AVL9: variants seen among roughly 807,000 people sequenced by gnomAD.
AVL9 encodes late secretory pathway protein AVL9 homolog.
A neutral mutation model predicts 79.2 loss-of-function variants in AVL9; 49 were observed. The observed-to-expected ratio is 0.62, with a 90% CI of 0.49 to 0.79. The LOEUF is 0.79. Ranked by LOEUF, AVL9 falls within the 30% of genes least tolerant of loss-of-function variation. The pLI is 0.00. For missense variants in AVL9, 682 were observed against 776.8 expected (o/e 0.88, Z 1.45); for synonymous variants, 299 against 280.6 (o/e 1.07, Z -0.65).
chr7:32,580,852 C>G lies in AVL9; in HGVS notation c.1793C>G (p.Thr598Arg). 6.2e-7 allele frequency: 1 copy of G among 1,613,872 alleles called. No individual in the cohort carries two copies. The change falls in exon 15 of 16, where the codon ACA (threonine) becomes AGA (arginine). Residue 598 changes from threonine (T) to arginine (R), a missense_variant. Physicochemically the swap from Thr to Arg is moderately conservative, Grantham distance 71. Coordinates refer to ENST00000318709, the MANE Select transcript of AVL9 (RefSeq NM_015060.3). ...AAAAAAATTGGAAACGTCATGGTCA[C>G]AACTAGCCGGAATGTTGTACAAACA... ...RGKKIGNVMV[T>R]TSRNVVQTGK... is the part of the protein sequence containing the mutation.
intron 8 of AVL9, among the ~76,000 whole-genome samples, chr7:32,556,770 C>T (rs896842551): frequency 2.6e-5 from 4 of 151,936 alleles, no homozygotes; most frequent in Admixed American, 6.6e-5. Context: ...ACTTTGAATT[C>T]CTTTTTATTT....
chr7:32,552,485 C>G (rs1274665555), intron 6 of AVL9, among the ~76,000 whole-genome samples, 190 bp downstream of exon 6: 1 of 151,316 alleles, frequency 6.6e-6, no homozygotes, highest in South Asian at 2.1e-4. Context: ...TAGAACATAC[C>G]AGGTTTACAA....
chr7:32,513,255 C>T (rs1787759429), intron 1 of AVL9, among the ~76,000 whole-genome samples: 1 of 152,204 alleles, frequency 6.6e-6, no homozygotes, highest in African/African-American at 2.4e-5. Flanking sequence ...ATTCCCTCCT[C>T]AGCCAGGGCA....
intron 1 of AVL9, among the ~76,000 whole-genome samples, chr7:32,540,519 C>T (rs995948340): frequency 6.6e-6 from 1 of 152,108 alleles, no homozygotes; most frequent in Non-Finnish European, 1.5e-5. Context: ...TTGGTCATGC[C>T]TGTGGGAAGT....
intron 12 of AVL9, 59 bp from the exon 13 acceptor site, chr7:32,575,896 C>A: frequency 1.6e-6 from 2 of 1,234,338 alleles, no homozygotes; most frequent in Non-Finnish European, 1.2e-6. Context: ...TGGTTATAAT[C>A]TTCACATCCC....
chr7:32,522,720 C>T (rs563740408), intron 1 of AVL9, among the ~76,000 whole-genome samples: 92 of 152,076 alleles, frequency 6.0e-4, no homozygotes, highest in African/African-American at 1.8e-3. Context: ...ATTTGGAGGG[C>T]GCAGGGGTGT....
chr7:32,512,595 CTT>C (rs1223555577), intron 1 of AVL9, among the ~76,000 whole-genome samples: 1 of 152,148 alleles, frequency 6.6e-6, no homozygotes, highest in Non-Finnish European at 1.5e-5. Context: ...CAGAACTGTA[CTT>C]TTCGTAGCTT....
chr7:32,575,754 A>C (rs1377548595), intron 12 of AVL9, among the ~76,000 whole-genome samples: 1 of 152,210 alleles, frequency 6.6e-6, no homozygotes, highest in Non-Finnish European at 1.5e-5. Flanking sequence ...TGAGTGATTA[A>C]GTGACTTGCC....
intron 1 of AVL9, chr7:32,534,630 A>T (rs941611043): frequency 1.3e-5 from 2 of 152,224 alleles, no homozygotes; most frequent in Non-Finnish European, 2.9e-5. Flanking sequence ...GAGGTTTGTT[A>T]TGCAGATTGA....
chr7:32,580,842 GT>G lies in AVL9; in HGVS notation c.1784del (p.Val595AlafsTer101). 1 of 1,613,822 alleles carries G rather than the reference GT, an allele frequency of 6.2e-7. No homozygotes were observed. The highest frequency in any genetic ancestry group is 8.5e-7 in the Non-Finnish European group (1 of 1,179,910). ...TGAACGTGGCAAAAAAATTGGAAAC[GT>G]CATGGTCACAACTAGCCGGAATGTT... ...NSERGKKIGN[V>X]MVTTSRNVVQ... On this transcript the variant is annotated frameshift_variant, in exon 15 of 16. Coordinates refer to ENST00000318709, the MANE Select transcript of AVL9 (RefSeq NM_015060.3). LOFTEE classifies it high-confidence loss of function.
At chr7:32,501,860 A>G (rs1191961304) in intron 1 of AVL9, among the ~76,000 whole-genome samples, 1 of 152,130 alleles carries the variant, frequency 6.6e-6, no homozygotes, top group Non-Finnish European at 1.5e-5. Flanking sequence ...GAAGGGCCCT[A>G]ATCTACTAGG....
chr7:32,581,171 G>A lies in AVL9; in HGVS notation c.1831+281G>A, dbSNP rs1583614066. 1.0e-5 allele frequency: 4 copies of A among 384,912 alleles called. No individual in the cohort carries two copies. The Middle Eastern group carries it at 3.1e-3, about 296-fold the overall frequency. 23.8% of individuals were successfully genotyped at this position (384,912 alleles called of 1,614,324 possible). ...AGAGTTTTCTTCCCCCATTCCCTGT[G>A]CTGTCCACAGTTCTTTATAAATGGC... is the stretch of plus-strand genomic sequence containing the variant. On this transcript the variant is annotated intron_variant, in intron 15 of 15. Transcript: ENST00000318709.
intron 1 of AVL9, among the ~76,000 whole-genome samples, chr7:32,499,123 A>G (rs993571896): frequency 9.2e-5 from 14 of 152,056 alleles, no homozygotes; most frequent in Admixed American, 2.6e-4. Context: ...AGATCTGCCT[A>G]CTGCACTCCA....
At chr7:32,513,462 A>G (rs2128119313) in intron 1 of AVL9, among the ~76,000 whole-genome samples, 1 of 152,354 alleles carries the variant, frequency 6.6e-6, no homozygotes, top group African/African-American at 2.4e-5. Context: ...TCACCCAGAC[A>G]TTCTTTTCTA....
At chr7:32,572,815 A>AAAAT (rs1790917227) in intron 11 of AVL9, among the ~76,000 whole-genome samples, 2 of 151,526 alleles carry the variant, frequency 1.3e-5, no homozygotes, top group Admixed American at 1.3e-4. Flanking sequence ...AAAAAAAAAA[A>AAAAT]AAGAATATTC....
chr7:32,529,928 T>G (rs1015443938), intron 1 of AVL9, among the ~76,000 whole-genome samples: 1 of 152,178 alleles, frequency 6.6e-6, no homozygotes, highest in Admixed American at 6.5e-5. Flanking sequence ...CTCTTAGTAT[T>G]ATGTCTGAGA....
chr7:32,504,044 T>A (rs1187307829), intron 1 of AVL9, among the ~76,000 whole-genome samples: 1 of 152,218 alleles, frequency 6.6e-6, no homozygotes, highest in Admixed American at 6.5e-5. Context: ...GTATTAGGAA[T>A]GTGTTAGGCT....
chr7:32,577,306 A>G (rs768930812), intron 13 of AVL9, among the ~76,000 whole-genome samples: 2 of 152,214 alleles, frequency 1.3e-5, no homozygotes, highest in Non-Finnish European at 2.9e-5. Flanking sequence ...CCCATCTTTT[A>G]AAGTACTAGG....
intron 1 of AVL9, among the ~76,000 whole-genome samples, chr7:32,501,475 A>G (rs1787123213): frequency 6.6e-6 from 1 of 152,176 alleles, no homozygotes; most frequent in Non-Finnish European, 1.5e-5. Context: ...TTATTTCTTC[A>G]ACTTTAATAT....
Sources: gnomAD v4.1 joint callset for allele counts (sites outside exome capture counted in the v4.1 genomes callset) on GRCh38, gnomAD v4.1.1 for gene constraint, MANE v1.5 for transcripts, NCBI Gene and HGNC (gene_info 2026-07-23, HGNC 2026-07-21) for gene names.